PABPC4L: variants seen among roughly 807,000 people sequenced by gnomAD.
The protein encoded by PABPC4L is poly(A) binding protein cytoplasmic 4 like.
For synonymous variants in PABPC4L, 169 were observed against 164.1 expected, an observed-to-expected ratio of 1.03 and a Z score of -0.23; for missense variants, 452 against 451.4, an observed-to-expected ratio of 1.00 and a Z score of -0.01.
the PABPC4L span, chr4:134,010,691 C>T: frequency 6.6e-6 from 1 of 152,076 alleles, no homozygotes; most frequent in Non-Finnish European, 1.5e-5. Flanking sequence ...CAATGATAGC[C>T]TATGACAGAG....
At chr4:134,166,299 T>C in the PABPC4L span, among the ~76,000 whole-genome samples, 2 of 152,100 alleles carry the variant, frequency 1.3e-5, no homozygotes, top group Admixed American at 6.5e-5. Context: ...TAAATGAATA[T>C]ATATGTAGAT....
chr4:134,087,167 C>T, the PABPC4L span, among the ~76,000 whole-genome samples: 1 of 151,950 alleles, frequency 6.6e-6, no homozygotes, highest in Admixed American at 6.6e-5. Context: ...GTAGCAAAGA[C>T]TTGGAACCAA....
At chr4:134,043,063 A>T in the PABPC4L span, among the ~76,000 whole-genome samples, 1 of 152,090 alleles carries the variant, frequency 6.6e-6, no homozygotes, top group African/African-American at 2.4e-5. Context: ...AAAATGTTCA[A>T]ATTTCTTGGA....
At chr4:134,167,993 T>C in the PABPC4L span, among the ~76,000 whole-genome samples, 4 of 151,990 alleles carry the variant, frequency 2.6e-5, no homozygotes, top group East Asian at 7.7e-4. Flanking sequence ...TTCACATTCT[T>C]CTCCTCAGCA....
chr4:134,119,193 A>G, the PABPC4L span, among the ~76,000 whole-genome samples: 1 of 151,624 alleles, frequency 6.6e-6, no homozygotes, highest in Non-Finnish European at 1.5e-5. Context: ...GAGGAGAACC[A>G]TGAAATTTTA....
the PABPC4L span, among the ~76,000 whole-genome samples, chr4:134,138,123 G>A: frequency 6.6e-6 from 1 of 151,668 alleles, no homozygotes; most frequent in Middle Eastern, 3.4e-3. Flanking sequence ...CAGCATTAAA[G>A]TCTGCATCTT....
the PABPC4L span, among the ~76,000 whole-genome samples, chr4:134,061,830 AAAAAG>A: frequency 3.3e-5 from 5 of 151,952 alleles, no homozygotes. Context: ...CATAAGAGAA[AAAAAG>A]AAAAGAAAAA....
At chr4:134,062,277 G>T in the PABPC4L span, among the ~76,000 whole-genome samples, 1 of 151,886 alleles carries the variant, frequency 6.6e-6, no homozygotes, top group Non-Finnish European at 1.5e-5. Flanking sequence ...ATTCAAGGGA[G>T]TATATGATGA....
chr4:134,019,094 A>G, the PABPC4L span, among the ~76,000 whole-genome samples: 1 of 152,198 alleles, frequency 6.6e-6, no homozygotes, highest in Admixed American at 6.5e-5. Flanking sequence ...CCATTGAAAC[A>G]ACATTTAAAT....
At chr4:134,031,351 C>G in the PABPC4L span, among the ~76,000 whole-genome samples, 1 of 151,806 alleles carries the variant, frequency 6.6e-6, no homozygotes, top group Non-Finnish European at 1.5e-5. Flanking sequence ...GTGTATTCAT[C>G]TCTTTTAAGA....
At chr4:133,997,341 T>C in the PABPC4L span, among the ~76,000 whole-genome samples, 1 of 152,060 alleles carries the variant, frequency 6.6e-6, no homozygotes, top group Admixed American at 6.6e-5. Flanking sequence ...AGGGAAAGGT[T>C]TTTTTTCAAA....
chr4:133,984,095 A>G, the PABPC4L span, among the ~76,000 whole-genome samples: 1 of 151,882 alleles, frequency 6.6e-6, no homozygotes, highest in African/African-American at 2.4e-5. Context: ...ATGTTTAAAC[A>G]TGGCATATTT....
chr4:134,003,191 C>T, the PABPC4L span, among the ~76,000 whole-genome samples: 3 of 151,854 alleles, frequency 2.0e-5, no homozygotes, highest in Non-Finnish European at 4.4e-5. Context: ...GTGTCCTTAA[C>T]AAATTAAGAC....
At chr4:134,080,446 T>C in the PABPC4L span, among the ~76,000 whole-genome samples, 14 of 152,198 alleles carry the variant, frequency 9.2e-5, no homozygotes, top group Middle Eastern at 3.2e-3. Context: ...GTCTGAGTTG[T>C]GATTGATGTT....
At chr4:134,006,501 T>C in the PABPC4L span, among the ~76,000 whole-genome samples, 2 of 151,868 alleles carry the variant, frequency 1.3e-5, no homozygotes, top group Non-Finnish European at 2.9e-5. Context: ...TTCTAGAAAG[T>C]GAGTGGGCAG....
At chr4:134,182,945 G>T in the PABPC4L span, among the ~76,000 whole-genome samples, 1 of 151,880 alleles carries the variant, frequency 6.6e-6, no homozygotes, top group Non-Finnish European at 1.5e-5. Context: ...TTATTAAAAA[G>T]TCACAAAATA....
chr4:134,136,873 C>T, the PABPC4L span, among the ~76,000 whole-genome samples: 1 of 152,010 alleles, frequency 6.6e-6, no homozygotes, highest in Non-Finnish European at 1.5e-5. Flanking sequence ...ATCCTTCCCA[C>T]TGAGGACAGT....
At chr4:134,201,383 T>G in intron 1 of PABPC4L, 138 bp from the exon 2 acceptor site, 5 of 1,009,846 alleles carry the variant, frequency 5.0e-6, no homozygotes, top group East Asian at 5.7e-5. Flanking sequence ...TGAATAAAAA[T>G]AGGCCTCGCT....
the PABPC4L span, among the ~76,000 whole-genome samples, chr4:134,036,861 G>A: frequency 6.6e-6 from 1 of 151,930 alleles, no homozygotes; most frequent in Admixed American, 6.6e-5. Flanking sequence ...TTCGAGACCA[G>A]CCTGGCCAAC....
Sources: allele counts gnomAD v4.1 joint callset (sites outside exome capture counted in the v4.1 genomes callset), GRCh38; gene constraint gnomAD v4.1.1; transcripts MANE v1.5; gene names NCBI Gene and HGNC (gene_info 2026-07-23, HGNC 2026-07-21).